The following RHO variants were observed in gnomAD, a reference collection of about 807,000 sequenced individuals.
RHO encodes the protein opsin 2, rod pigment.
Under a neutral mutation model 31.2 loss-of-function variants are expected in RHO, and 21 were observed. That is an observed-to-expected ratio of 0.67 (90% confidence interval 0.48 to 0.97). RHO has a LOEUF of 0.97. Ranked by LOEUF, RHO falls within the 50% of genes least tolerant of loss-of-function variation. The pLI, the probability that RHO is intolerant of heterozygous loss-of-function variation, is 0.00. For synonymous variants in RHO, 211 were observed against 196.6 expected, an observed-to-expected ratio of 1.07 and a Z score of -0.61; for missense variants, 414 against 479.5, an observed-to-expected ratio of 0.86 and a Z score of 1.28.
At chr3:129,531,786 G>A (rs775382640) in intron 2 of RHO, among the ~76,000 whole-genome samples, 68 of 152,306 alleles carry the variant, frequency 4.5e-4, no homozygotes, top group African/African-American at 1.5e-3. Context: ...AATGACGTGC[G>A]CTGGAAGCCT....
In RHO at chr3:129,532,428, G is replaced by T. The variant is rs55915536; in HGVS notation, c.696+12G>T. The T allele has an allele frequency of 6.8e-6, 11 of 1,613,858 alleles. No individual in the cohort carries two copies. The highest frequency in any genetic ancestry group is 1.1e-5 in the South Asian group (1 of 91,090). On this transcript the variant is annotated intron_variant, in intron 3 of 4. Transcript: ENST00000296271. The surrounding 1 kb of genome is among the most constrained non-coding windows in gnomAD (Gnocchi z 5.5). Reference sequence around the variant, plus strand: ...TCACCGTCAAGGAGGTACGGGCCGGGGGGTGGGCGGCCTCACGGCTCTGAG... The same window carrying T: ...TCACCGTCAAGGAGGTACGGGCCGGTGGGTGGGCGGCCTCACGGCTCTGAG...
In RHO at chr3:129,533,705, T is replaced by C. The variant is rs1578281706; in HGVS notation, c.1034T>C (p.Val345Ala). Reference sequence around the variant, plus strand: ...GTGTCCAAGACGGAGACGAGCCAGGTGGCCCCGGCCTAAGACCTGCCTAGG... The same window carrying C: ...GTGTCCAAGACGGAGACGAGCCAGGCGGCCCCGGCCTAAGACCTGCCTAGG... ...ATVSKTETSQ[V>A]APA is the part of the protein sequence containing the mutation. The change falls in exon 5 of 5, where the codon GTG becomes GCG. Residue 345 changes from valine to alanine, a missense_variant. By Grantham distance (64) the Val-to-Ala change is moderately conservative. Transcript: ENST00000296271. 6.2e-7 allele frequency: 1 copy of C among 1,613,614 alleles called. No homozygotes were observed. The highest frequency in any genetic ancestry group is 8.5e-7 in the Non-Finnish European group (1 of 1,179,608).
At position 129,533,598 on chromosome 3, in the gene RHO, T is replaced by C. The variant is rs750473517; in HGVS notation, c.937-10T>C. The C allele has an allele frequency of 1.4e-5, 23 of 1,607,624 alleles. No individual in the cohort carries two copies. In the South Asian group the frequency reaches 2.3e-4, roughly 16 times the overall value. ...AGCCCTGGCCCTGACTCAAGCCTCT[T>C]GCCTTCCAGTTCCGGAACTGCATGC... On this transcript the variant is annotated splice_polypyrimidine_tract_variant and intron_variant, in intron 4 of 4. Coordinates refer to ENST00000296271, the MANE Select transcript of RHO (RefSeq NM_000539.3).
rs557301477 is a variant in RHO at position 129,530,981 on chromosome 3, G to T, written c.467G>T (p.Gly156Val). The T allele has an allele frequency of 6.2e-7, 1 of 1,614,258 alleles. No homozygotes were observed. Among genetic ancestry groups the T allele is most frequent in the Non-Finnish European group, 8.5e-7 (1 of 1,180,050 alleles). ...FRFGENHAIMGVAFTWVMALA... is the reference protein window; with the variant it reads ...FRFGENHAIMVVAFTWVMALA... ...TTCGGGGAGAACCATGCCATCATGG[G>T]CGTTGCCTTCACCTGGGTCATGGCG... The change falls in exon 2 of 5, where the codon GGC (glycine) becomes GTC (valine). Residue 156 changes from glycine to valine, a missense_variant. Transcript: ENST00000296271.
In RHO at chr3:129,529,040, T is replaced by C; in HGVS notation, c.307T>C (p.Phe103Leu). 6.2e-7 allele frequency: 1 copy of C among 1,613,504 alleles called. No individual in the cohort carries two copies. Among genetic ancestry groups the C allele is most frequent in the African/African-American group, 1.3e-5 (1 of 75,036 alleles). ...STLYTSLHGY[F>L]VFGPTGCNLE... ...CCTCTACACCTCTCTGCATGGATAC[T>C]TCGTCTTCGGGCCCACAGGATGCAA... The change falls in exon 1 of 5, where the codon TTC becomes CTC. Residue 103 changes from phenylalanine (F) to leucine (L), a missense_variant. Phe to Leu is a conservative substitution (Grantham distance 22). Transcript: ENST00000296271.
Position 129,528,732 on chromosome 3 carries a change from C to T in RHO, c.-2C>T, listed in dbSNP as rs962827025. On this transcript the variant is annotated 5_prime_UTR_variant, in exon 1 of 5. Coordinates refer to ENST00000296271, the MANE Select transcript of RHO (RefSeq NM_000539.3). ...CACGGGTCAGCCACAAGGGCCACAG[C>T]CATGAATGGCACAGAAGGCCCTAAC... The T allele has an allele frequency of 1.2e-6, 2 of 1,614,028 alleles. No individual in the cohort carries two copies. The highest frequency in any genetic ancestry group is 2.7e-5 in the African/African-American group (2 of 74,920).
At chr3:129,530,529 AC>A (rs1411113214) in intron 1 of RHO, among the ~76,000 whole-genome samples, 137 of 119,662 alleles carry the variant, frequency 1.1e-3, no homozygotes, top group Middle Eastern at 7.6e-3. Context: ...ACACACACAC[AC>A]ACAACACACA....
intron 1 of RHO, 43 bp downstream of exon 1, chr3:129,529,137 A>G: frequency 6.3e-7 from 1 of 1,593,200 alleles, no homozygotes; most frequent in Non-Finnish European, 8.5e-7. Context: ...GCCCGGGAGC[A>G]TGGAGGGGTC....
At position 129,532,910 on chromosome 3, in the gene RHO, G is replaced by A; in HGVS notation, c.936+138G>A. 8.7e-7 allele frequency: 1 copy of A among 1,152,364 alleles called. No individual in the cohort carries two copies. The highest frequency in any genetic ancestry group is 1.3e-5 in the South Asian group (1 of 78,570). 71.4% of individuals were successfully genotyped at this position (1,152,364 alleles called of 1,614,324 possible). A position where few individuals can be genotyped will look rare whatever the true frequency, so the allele number is the denominator to read the frequency against. ...GTCTTGGGTCAGCAGTCCCAATGGG[G>A]AGTGTGTGAGAAATGCAGATTCCTG... On this transcript the variant is annotated intron_variant, in intron 4 of 4. Coordinates refer to ENST00000296271, the MANE Select transcript of RHO (RefSeq NM_000539.3). This position sits in a 1 kb window ranked among gnomAD's most constrained non-coding sequence, Gnocchi z 5.5.
chr3:129,529,034 G>A lies in RHO; in HGVS notation c.301G>A (p.Gly101Arg), dbSNP rs1291957024. 2 of 1,613,616 alleles carry A rather than the reference G, an allele frequency of 1.2e-6. No homozygotes were observed. The highest frequency in any genetic ancestry group is 2.2e-5 in the South Asian group (2 of 91,076). ...CAGCACCCTCTACACCTCTCTGCAT[G>A]GATACTTCGTCTTCGGGCCCACAGG... ...FTSTLYTSLH[G>R]YFVFGPTGCN... The change falls in exon 1 of 5, where the codon GGA (glycine) becomes AGA (arginine). Residue 101 changes from glycine (G) to arginine (R), a missense_variant. Gly to Arg is a moderately radical substitution (Grantham distance 125). Coordinates refer to ENST00000296271, the MANE Select transcript of RHO (RefSeq NM_000539.3).
At position 129,533,920 on chromosome 3, in the gene RHO, G is replaced by T; in HGVS notation, c.*202G>T. 1.8e-6 allele frequency: 1 copy of T among 547,884 alleles called. No individual in the cohort carries two copies. The highest frequency in any genetic ancestry group is 3.1e-5 in the Admixed American group (1 of 32,010). 33.9% of individuals were successfully genotyped at this position (547,884 alleles called of 1,614,324 possible). A position where few individuals can be genotyped will look rare whatever the true frequency, so the allele number is the denominator to read the frequency against. On this transcript the variant is annotated 3_prime_UTR_variant, in exon 5 of 5. Coordinates refer to ENST00000296271, the MANE Select transcript of RHO (RefSeq NM_000539.3). Reference sequence around the variant, plus strand: ...CAGCCTGAGAAGGGACATCCACCAAGACCTACTGATCTGGAGTCCCACGTT... The same window carrying T: ...CAGCCTGAGAAGGGACATCCACCAATACCTACTGATCTGGAGTCCCACGTT...
At chr3:129,529,116 G>A in intron 1 of RHO, 22 bp downstream of exon 1, 1 of 1,606,534 alleles carries the variant, frequency 6.2e-7, no homozygotes. Flanking sequence ...GTGTGGGTGG[G>A]GTGTGCAGGA....
chr3:129,531,901 A>G (rs1246224503), intron 2 of RHO, among the ~76,000 whole-genome samples: 4 of 152,172 alleles, frequency 2.6e-5, no homozygotes. Flanking sequence ...GGTTTGTACA[A>G]ACTTCCTCAA....
chr3:129,533,336 C>T (rs558503555), intron 4 of RHO, among the ~76,000 whole-genome samples: 1 of 152,296 alleles, frequency 6.6e-6, no homozygotes, highest in African/African-American at 2.4e-5. Context: ...TCTTGGATTA[C>T]AAGAGATAAT....
In RHO at chr3:129,535,341, C is replaced by G. The variant is rs1157344231; in HGVS notation, c.*1623C>G. Among the ~76,000 whole-genome samples the G allele has an allele frequency of 1.0e-5, 1 of 99,418 alleles. No homozygotes were observed. Among genetic ancestry groups the G allele is most frequent in the Non-Finnish European group, 1.8e-5 (1 of 56,372 alleles). 65.2% of individuals were successfully genotyped at this position (99,418 alleles called of 152,430 possible). A position where few individuals can be genotyped will look rare whatever the true frequency, so the allele number is the denominator to read the frequency against. On this transcript the variant is annotated 3_prime_UTR_variant, in exon 5 of 5. Coordinates refer to ENST00000296271, the MANE Select transcript of RHO (RefSeq NM_000539.3). ...AGGCAGTCCTGGGAATGGGAAAAAC[C>G]CCAACTTTGGGGTCATAGAGGCACA... is the stretch of plus-strand genomic sequence containing the variant.
chr3:129,530,519 A>T (rs2084770645), intron 1 of RHO, among the ~76,000 whole-genome samples: 1 of 130,720 alleles, frequency 7.6e-6, no homozygotes, highest in South Asian at 2.4e-4. Flanking sequence ...ACACACACAC[A>T]CACACACACA....
At position 129,532,816 on chromosome 3, in the gene RHO, G is replaced by A. The variant is rs372010849; in HGVS notation, c.936+44G>A. On this transcript the variant is annotated intron_variant, in intron 4 of 4. Transcript: ENST00000296271. The surrounding 1 kb of genome is among the most constrained non-coding windows in gnomAD (Gnocchi z 5.5). ...AGGGCCCCAGTGCCCCAGGCCACAG[G>A]CGCTGCCTGCCAAGGACAAGCTACT... The A allele has an allele frequency of 2.5e-6, 4 of 1,611,496 alleles. No individual in the cohort carries two copies. The highest frequency in any genetic ancestry group is 4.5e-5 in the East Asian group (2 of 44,884).
rs2084765881 is a variant in RHO at position 129,529,959 on chromosome 3, A to G, written c.361+865A>G. 3.3e-5 allele frequency among the ~76,000 whole-genome samples: 5 copies of G among 152,244 alleles called. No homozygotes were observed. In the South Asian group the frequency reaches 1.0e-3, roughly 32 times the overall value. On this transcript the variant is annotated intron_variant, in intron 1 of 4. Transcript: ENST00000296271. ...GCTGAGATGCAGGAGGAGACGCTAG[A>G]AGCAGCCATTGCAAAGCTGGGTGAC...
intron 2 of RHO, 40 bp downstream of exon 2, chr3:129,531,084 C>T: frequency 6.2e-7 from 1 of 1,604,834 alleles, no homozygotes; most frequent in Non-Finnish European, 8.5e-7. Context: ...TCCGGGGGCT[C>T]TTTGTAGGGT....
Sources: allele counts gnomAD v4.1 joint callset (sites outside exome capture counted in the v4.1 genomes callset), GRCh38; gene constraint gnomAD v4.1.1; non-coding constraint Gnocchi (gnomAD v3.1); transcripts MANE v1.5; gene names NCBI Gene and HGNC (gene_info 2026-07-23, HGNC 2026-07-21).